Variants in FANCC observed in about 807,000 individuals in gnomAD.
The protein encoded by FANCC is Fanconi anemia group C protein.
A neutral mutation model predicts 71.3 loss-of-function variants in FANCC; 55 were observed. That is an observed-to-expected ratio of 0.77 (90% CI 0.62 to 0.97). The LOEUF is 0.97. Among genes scored for constraint, FANCC ranks in the 50% least tolerant of loss-of-function variants. The pLI is 0.00. For synonymous variants in FANCC, 275 were observed against 244.9 expected, an observed-to-expected ratio of 1.12 and a Z score of -1.15; for missense variants, 678 against 670.9, an observed-to-expected ratio of 1.01 and a Z score of -0.12.
chr9:95,105,907 C>T (rs576061782), intron 14 of FANCC, among the ~76,000 whole-genome samples: 1 of 152,354 alleles, frequency 6.6e-6, no homozygotes, highest in South Asian at 2.1e-4. Context: ...TGCCTGCTGG[C>T]TGCTGAGAAT....
intron 4 of FANCC, 45 bp downstream of exon 4, chr9:95,240,604 A>G (rs1830577152): frequency 2.8e-6 from 4 of 1,439,786 alleles, no homozygotes; most frequent in Middle Eastern, 1.8e-4. Flanking sequence ...CTTTTAAATA[A>G]TCAATTTAAT....
At chr9:95,220,323 A>T (rs1406756123) in intron 4 of FANCC, among the ~76,000 whole-genome samples, 1 of 152,246 alleles carries the variant, frequency 6.6e-6, no homozygotes, top group Non-Finnish European at 1.5e-5. Flanking sequence ...TTCCTCAAGG[A>T]TCTAGAACTA....
intron 4 of FANCC, among the ~76,000 whole-genome samples, chr9:95,174,469 G>C (rs1441831026): frequency 6.6e-6 from 1 of 151,952 alleles, no homozygotes; most frequent in Non-Finnish European, 1.5e-5. Flanking sequence ...GCAGTTTCTA[G>C]GGTGGTGCTA....
At position 95,126,500 on chromosome 9, in the gene FANCC, A is replaced by G. The variant is rs767127025; in HGVS notation, c.896+29T>C. 1.9e-5 allele frequency: 30 copies of G among 1,604,932 alleles called. No homozygotes were observed. The Admixed American group carries it at 4.5e-4, about 24-fold the overall frequency. On this transcript the variant is annotated intron_variant, in intron 9 of 14. Coordinates refer to ENST00000289081, the MANE Select transcript of FANCC (RefSeq NM_000136.3). The stretch of plus-strand genomic sequence containing the variant: ...TGGAAATGGAACCTTTTTTACATCA[A>G]TTACTAGAAGAAACAGTGTAACGTT...
intron 4 of FANCC, among the ~76,000 whole-genome samples, chr9:95,224,487 T>C (rs1296663530): frequency 2.0e-5 from 3 of 151,690 alleles, no homozygotes; most frequent in Non-Finnish European, 4.4e-5. Flanking sequence ...AGTAATACCA[T>C]CCTTTTGAAG....
At chr9:95,236,936 C>G (rs1830350307) in intron 4 of FANCC, among the ~76,000 whole-genome samples, 1 of 152,168 alleles carries the variant, frequency 6.6e-6, no homozygotes, top group Non-Finnish European at 1.5e-5. Flanking sequence ...AAGATAAAAT[C>G]AAGTATACCG....
chr9:95,214,147 G>A (rs1828697716), intron 4 of FANCC, among the ~76,000 whole-genome samples: 1 of 152,184 alleles, frequency 6.6e-6, no homozygotes, highest in African/African-American at 2.4e-5. Flanking sequence ...CAGAAAATGG[G>A]CCAGGTGTGG....
chr9:95,175,861 G>A (rs1483722950), intron 4 of FANCC, among the ~76,000 whole-genome samples: 3 of 152,218 alleles, frequency 2.0e-5, no homozygotes, highest in Non-Finnish European at 2.9e-5. Context: ...TCCACGCGGA[G>A]GTGTCCAAGT....
intron 12 of FANCC, among the ~76,000 whole-genome samples, chr9:95,113,223 G>T (rs1213727405): frequency 2.0e-5 from 3 of 152,222 alleles, no homozygotes; most frequent in Non-Finnish European, 2.9e-5. Context: ...AGGAAGGAGT[G>T]AGCAGCTGGC....
intron 3 of FANCC, among the ~76,000 whole-genome samples, chr9:95,243,628 C>CAA (rs61648861): frequency 0.035 from 4,819 of 136,184 alleles, 260 homozygotes; most frequent in African/African-American, 0.12. Flanking sequence ...ACTAAAAATA[C>CAA]AAAAAAAAAA....
At chr9:95,159,220 C>T (rs1830610147) in intron 6 of FANCC, among the ~76,000 whole-genome samples, 1 of 152,130 alleles carries the variant, frequency 6.6e-6, no homozygotes, top group Non-Finnish European at 1.5e-5. Context: ...GTGTGATGTT[C>T]CCCACCCTGT....
chr9:95,280,230 G>A (rs527920622), intron 1 of FANCC, among the ~76,000 whole-genome samples: 21 of 152,192 alleles, frequency 1.4e-4, no homozygotes, highest in African/African-American at 5.1e-4. Flanking sequence ...CAATCCATCA[G>A]GAAGATATAA....
intron 4 of FANCC, among the ~76,000 whole-genome samples, chr9:95,173,972 T>C (rs1213718040): frequency 6.6e-6 from 1 of 152,170 alleles, no homozygotes; most frequent in East Asian, 1.9e-4. Flanking sequence ...TGAAGAAAGA[T>C]GTAAAATGTT....
At chr9:95,198,353 C>T (rs377500498) in intron 4 of FANCC, among the ~76,000 whole-genome samples, 75 of 152,332 alleles carry the variant, frequency 4.9e-4, no homozygotes, top group African/African-American at 1.7e-3. Flanking sequence ...AACTGTCACA[C>T]ACAATTTTCA....
At chr9:95,158,005 A>G (rs1830540645) in intron 6 of FANCC, among the ~76,000 whole-genome samples, 1 of 152,114 alleles carries the variant, frequency 6.6e-6, no homozygotes, top group Admixed American at 6.6e-5. Context: ...GATGAGAGAA[A>G]AGTTGCGCTT....
rs4647414 is a variant in FANCC, at chr9:95,249,320, T to G, written c.-29A>C. 5,829 of 1,611,014 alleles carry G rather than the reference T, an allele frequency of 3.6e-3. 127 individuals carry two copies. The East Asian group carries it at 0.04, about 11-fold the overall frequency. Reference sequence around the variant, plus strand: ...GGAAAAAGCGAAAAGGTGATGTCCCTTCACAGCAGCCTGTCCAGCACTGAA... The same window carrying G: ...GGAAAAAGCGAAAAGGTGATGTCCCGTCACAGCAGCCTGTCCAGCACTGAA... On this transcript the variant is annotated 5_prime_UTR_variant, in exon 2 of 15. Transcript: ENST00000289081.
At chr9:95,142,757 C>G (rs1828958612) in intron 7 of FANCC, among the ~76,000 whole-genome samples, 1 of 152,192 alleles carries the variant, frequency 6.6e-6, no homozygotes, top group Non-Finnish European at 1.5e-5. Context: ...ACACTCAGAG[C>G]CACCCCGAGC....
intron 1 of FANCC, chr9:95,293,882 CAG>C (rs1834214914): frequency 3.7e-6 from 6 of 1,605,528 alleles, no homozygotes; most frequent in South Asian, 1.1e-5. Flanking sequence ...CTGGAATGTG[CAG>C]AGACATTTTT....
chr9:95,145,840 C>T (rs1233614256), intron 7 of FANCC, among the ~76,000 whole-genome samples: 3 of 152,058 alleles, frequency 2.0e-5, no homozygotes, highest in African/African-American at 7.2e-5. Flanking sequence ...GCTTTACCAC[C>T]GGAGAACGGG....
Sources: allele counts gnomAD v4.1 joint callset (sites outside exome capture counted in the v4.1 genomes callset), GRCh38; gene constraint gnomAD v4.1.1; transcripts MANE v1.5; gene names NCBI Gene and HGNC (gene_info 2026-07-23, HGNC 2026-07-21).